MINDY4: variants seen among roughly 807,000 people sequenced by gnomAD.
MINDY4 encodes the protein MINDY lysine 48 deubiquitinase 4.
MINDY4 carries 68 observed loss-of-function variants against 87.0 expected under a neutral mutation model. The observed-to-expected ratio is 0.78, with a 90% CI of 0.64 to 0.96. The LOEUF (loss-of-function observed/expected upper bound fraction) is 0.96. Among genes scored for constraint, MINDY4 ranks in the 40% least tolerant of loss-of-function variants. The pLI is 0.00. For synonymous variants in MINDY4, 379 were observed against 363.2 expected, an observed-to-expected ratio of 1.04 and a Z score of -0.50; for missense variants, 919 against 928.2, an observed-to-expected ratio of 0.99 and a Z score of 0.13.
chr7:30,832,632 C>G (rs1236612669), intron 6 of MINDY4, among the ~76,000 whole-genome samples: 1 of 152,220 alleles, frequency 6.6e-6, no homozygotes, highest in Non-Finnish European at 1.5e-5. Context: ...GCCTCAGCCT[C>G]CTGAGTAACT....
chr7:30,836,822 C>T (rs968839025), intron 7 of MINDY4, 58 bp downstream of exon 7: 25 of 1,315,154 alleles, frequency 1.9e-5, no homozygotes, highest in South Asian at 1.3e-4. Context: ...ATATAGATGG[C>T]GTGATTTTGG....
At chr7:30,850,070 T>A (rs531318251) in intron 9 of MINDY4, among the ~76,000 whole-genome samples, 64 of 152,236 alleles carry the variant, frequency 4.2e-4, no homozygotes, top group African/African-American at 1.5e-3. Flanking sequence ...CAGGGCAGGG[T>A]CCTGAGATGG....
intron 13 of MINDY4, among the ~76,000 whole-genome samples, chr7:30,866,273 G>A (rs946110787): frequency 1.5e-4 from 23 of 152,326 alleles, no homozygotes; most frequent in Middle Eastern, 3.4e-3. Context: ...GGCCAGGTGC[G>A]CAGAGAAAGA....
intron 5 of MINDY4, among the ~76,000 whole-genome samples, chr7:30,797,293 A>G (rs1360014268): frequency 6.6e-6 from 1 of 152,218 alleles, no homozygotes; most frequent in East Asian, 1.9e-4. Context: ...AGCCCACAAT[A>G]ACACCAAAAC....
chr7:30,873,265 C>T (rs1338067790), intron 14 of MINDY4, among the ~76,000 whole-genome samples: 1 of 152,204 alleles, frequency 6.6e-6, no homozygotes, highest in Non-Finnish European at 1.5e-5. Context: ...CAGGCATCTG[C>T]CTGCCCCATG....
intron 5 of MINDY4, among the ~76,000 whole-genome samples, chr7:30,802,590 T>TAGCA (rs1252276008): frequency 6.6e-6 from 1 of 152,138 alleles, no homozygotes; most frequent in Non-Finnish European, 1.5e-5. Context: ...AGAGTGCACT[T>TAGCA]AGCAAGGAGA....
chr7:30,861,777 T>C (rs1789775118), intron 13 of MINDY4, among the ~76,000 whole-genome samples: 1 of 152,254 alleles, frequency 6.6e-6, no homozygotes, highest in Non-Finnish European at 1.5e-5. Context: ...TTTCCTTGCC[T>C]GCAGCCTTGG....
intron 13 of MINDY4, among the ~76,000 whole-genome samples, chr7:30,865,635 C>T (rs1054361408): frequency 1.3e-5 from 2 of 152,212 alleles, no homozygotes; most frequent in African/African-American, 4.8e-5. Flanking sequence ...GGAGGCTTAG[C>T]CTCAGCGGGA....
intron 4 of MINDY4, among the ~76,000 whole-genome samples, chr7:30,789,492 T>C (rs1474746669): frequency 6.6e-6 from 1 of 152,216 alleles, no homozygotes; most frequent in Non-Finnish European, 1.5e-5. Flanking sequence ...TTTCATCATA[T>C]TTACTACATC....
rs1787324753 is a variant in MINDY4, at chr7:30,791,583, G to C, written c.1073+9G>C. On this transcript the variant is annotated intron_variant, in intron 5 of 17. Coordinates refer to ENST00000265299, the MANE Select transcript of MINDY4 (RefSeq NM_032222.3). The stretch of plus-strand genomic sequence containing the variant: ...CAGCCCGCACCTGTCAGGTGAGTGT[G>C]CTATGCAAAGGTGACGGCTTTTCAA... 6.2e-7 allele frequency: 1 copy of C among 1,602,614 alleles called. No homozygotes were observed. The highest frequency in any genetic ancestry group is 1.3e-5 in the African/African-American group (1 of 74,742).
chr7:30,819,537 AT>A (rs1028211611), intron 5 of MINDY4, among the ~76,000 whole-genome samples: 52 of 152,108 alleles, frequency 3.4e-4, no homozygotes, highest in African/African-American at 1.1e-3. Flanking sequence ...TATTAATGTT[AT>A]TTTTCTGCTT....
chr7:30,852,402 A>G lies in MINDY4; in HGVS notation c.1611+123A>G, dbSNP rs2128571464. 3.3e-6 allele frequency: 5 copies of G among 1,522,026 alleles called. No individual in the cohort carries two copies. The African/African-American group carries it at 4.2e-5, about 13-fold the overall frequency. 94.3% of individuals were successfully genotyped at this position (1,522,026 alleles called of 1,614,324 possible). A position where few individuals can be genotyped will look rare whatever the true frequency, so the allele number is the denominator to read the frequency against. On this transcript the variant is annotated intron_variant, in intron 11 of 17. Coordinates refer to ENST00000265299, the MANE Select transcript of MINDY4 (RefSeq NM_032222.3). ...GCCTTCCGCAGCCCAGGTCCCAGGA[A>G]TCCTCATCCTGGGATTAGGGTGGGG...
At chr7:30,887,306 T>C (rs2128583284) in intron 17 of MINDY4, among the ~76,000 whole-genome samples, 1 of 152,312 alleles carries the variant, frequency 6.6e-6, no homozygotes, top group Admixed American at 6.5e-5. Flanking sequence ...ACACCTGCCC[T>C]GTGCTGGCTC....
intron 13 of MINDY4, among the ~76,000 whole-genome samples, chr7:30,869,698 C>T (rs368362730): frequency 2.0e-5 from 3 of 152,138 alleles, no homozygotes; most frequent in Non-Finnish European, 4.4e-5. Context: ...GTTAGTCACC[C>T]CTTGAAAGGC....
chr7:30,854,660 G>A (rs1007270506), intron 12 of MINDY4, among the ~76,000 whole-genome samples: 1 of 152,192 alleles, frequency 6.6e-6, no homozygotes, highest in Non-Finnish European at 1.5e-5. Flanking sequence ...CCGGAGAGTG[G>A]GAGAACTTGC....
intron 13 of MINDY4, among the ~76,000 whole-genome samples, chr7:30,871,112 C>CGTGTGTGCCCCCAGGGCT (rs1159913182): frequency 6.7e-6 from 1 of 149,926 alleles, no homozygotes; most frequent in African/African-American, 2.5e-5. Context: ...CTCCCAGGGT[C>CGTGTGTGCCCCCAGGGCT]GTGTGTGCCC....
intron 14 of MINDY4, among the ~76,000 whole-genome samples, chr7:30,873,044 C>A (rs1790153842): frequency 6.6e-6 from 1 of 152,224 alleles, no homozygotes; most frequent in Non-Finnish European, 1.5e-5. Context: ...CTGGGCCCAA[C>A]TGAGGACTCA....
intron 13 of MINDY4, among the ~76,000 whole-genome samples, chr7:30,867,397 G>C (rs185644693): frequency 1.1e-4 from 16 of 152,270 alleles, no homozygotes; most frequent in Admixed American, 8.5e-4. Context: ...GGTTGTTATA[G>C]TAGGAAAAAG....
intron 9 of MINDY4, among the ~76,000 whole-genome samples, chr7:30,850,035 G>A (rs1030834631): frequency 6.6e-6 from 1 of 152,252 alleles, no homozygotes; most frequent in African/African-American, 2.4e-5. Context: ...GACTCCAGAG[G>A]CTTGGAGGTG....
Sources: gnomAD v4.1 joint callset for allele counts (sites outside exome capture counted in the v4.1 genomes callset) on GRCh38, gnomAD v4.1.1 for gene constraint, MANE v1.5 for transcripts, NCBI Gene and HGNC (gene_info 2026-07-23, HGNC 2026-07-21) for gene names.